The following LRP1B variants were observed in gnomAD, a reference collection of about 807,000 sequenced individuals.
LRP1B encodes LDL receptor related protein 1B.
Under a neutral mutation model 556.6 loss-of-function variants are expected in LRP1B, and 217 were observed. The observed-to-expected ratio is 0.39, with a 90% CI of 0.35 to 0.44. LRP1B has a LOEUF of 0.44. Among genes scored for constraint, LRP1B ranks in the 20% least tolerant of loss-of-function variants. The probability of loss-of-function intolerance (pLI) is 1.00; values close to 1 mark genes in which losing one functional copy is unlikely to be tolerated. For missense variants in LRP1B, 5,053 were observed against 5,620.8 expected (o/e 0.90, Z 3.23); for synonymous variants, 2,047 against 1,865.8 (o/e 1.10, Z -2.50).
chr2:141,129,005 G>A (rs1701285462), intron 7 of LRP1B, among the ~76,000 whole-genome samples: 1 of 152,008 alleles, frequency 6.6e-6, no homozygotes, highest in East Asian at 1.9e-4. Context: ...TGAAATAAAC[G>A]ATTTGGTAAG....
At chr2:140,351,327 A>C (rs1256838786) in intron 76 of LRP1B, among the ~76,000 whole-genome samples, 1 of 151,992 alleles carries the variant, frequency 6.6e-6, no homozygotes, top group Non-Finnish European at 1.5e-5. Context: ...TTATTATTTG[A>C]TAAGTCACAA....
chr2:141,939,465 G>A (rs1700730114), intron 1 of LRP1B, among the ~76,000 whole-genome samples: 1 of 152,186 alleles, frequency 6.6e-6, no homozygotes, highest in Non-Finnish European at 1.5e-5. Flanking sequence ...ACTCCATGGT[G>A]TGTAAGAGCT....
At chr2:141,044,219 G>A (rs1351534400) in intron 11 of LRP1B, among the ~76,000 whole-genome samples, 1 of 151,496 alleles carries the variant, frequency 6.6e-6, no homozygotes, top group East Asian at 1.9e-4. Flanking sequence ...CTAGCCGTAT[G>A]TAGAAAGCTG....
intron 31 of LRP1B, among the ~76,000 whole-genome samples, chr2:140,835,654 C>A (rs564611562): frequency 6.6e-6 from 1 of 152,166 alleles, no homozygotes; most frequent in Non-Finnish European, 1.5e-5. Context: ...TCTCCTGCCT[C>A]AGCCTCCCAA....
chr2:141,014,250 T>C (rs1430506428), intron 13 of LRP1B, among the ~76,000 whole-genome samples: 1 of 152,038 alleles, frequency 6.6e-6, no homozygotes, highest in African/African-American at 2.4e-5. Context: ...ATTGAAGAAA[T>C]CTTGGATCTG....
At chr2:140,500,658 A>G (rs1406985710) in intron 55 of LRP1B, among the ~76,000 whole-genome samples, 1 of 151,974 alleles carries the variant, frequency 6.6e-6, no homozygotes, top group African/African-American at 2.4e-5. Flanking sequence ...AATCCTTCAT[A>G]TACAGTATGT....
At chr2:141,080,388 G>A (rs1699894741) in intron 7 of LRP1B, among the ~76,000 whole-genome samples, 1 of 152,054 alleles carries the variant, frequency 6.6e-6, no homozygotes, top group Non-Finnish European at 1.5e-5. Flanking sequence ...CATCCTCATA[G>A]TTTTGGTTCC....
intron 7 of LRP1B, among the ~76,000 whole-genome samples, chr2:141,115,672 C>T (rs1044723137): frequency 1.3e-5 from 2 of 148,670 alleles, no homozygotes; most frequent in African/African-American, 2.5e-5. Context: ...TTAGTAGAGA[C>T]GGGTTTTTGC....
chr2:141,337,954 T>C (rs1191832887), intron 3 of LRP1B, among the ~76,000 whole-genome samples: 1 of 152,176 alleles, frequency 6.6e-6, no homozygotes, highest in African/African-American at 2.4e-5. Flanking sequence ...ATTTTCCGAA[T>C]GATGTTATGA....
chr2:141,183,295 C>T (rs150089603), intron 7 of LRP1B, among the ~76,000 whole-genome samples: 9 of 152,114 alleles, frequency 5.9e-5, no homozygotes, highest in South Asian at 4.1e-4. Flanking sequence ...AAACCTTTTA[C>T]GTGTGTAGGC....
intron 1 of LRP1B, among the ~76,000 whole-genome samples, chr2:142,129,593 TCTC>T: frequency 6.1e-5 from 1 of 16,462 alleles, no homozygotes; most frequent in Non-Finnish European, 1.2e-4. Flanking sequence ...TTTCTCTCTC[TCTC>T]TCTCTCTCTC....
chr2:140,840,261 T>G (rs190220048), intron 30 of LRP1B, among the ~76,000 whole-genome samples, 176 bp from the exon 31 acceptor site: 17 of 152,328 alleles, frequency 1.1e-4, no homozygotes, highest in Non-Finnish European at 2.2e-4. Context: ...CATATTTGCC[T>G]GAAAAGAAAG....
chr2:140,601,359 A>G (rs1682664972), intron 42 of LRP1B, 91 bp downstream of exon 42: 1 of 1,104,640 alleles, frequency 9.1e-7, no homozygotes, highest in East Asian at 2.9e-5. Context: ...TAAAAACTTT[A>G]TTTTTAAAGT....
At chr2:140,477,560 T>C (rs1688024832) in intron 59 of LRP1B, among the ~76,000 whole-genome samples, 1 of 152,108 alleles carries the variant, frequency 6.6e-6, no homozygotes, top group Non-Finnish European at 1.5e-5. Context: ...ATGTGATCAA[T>C]GCTATCAATA....
intron 32 of LRP1B, among the ~76,000 whole-genome samples, chr2:140,786,063 A>AATGCAAATGTGAGC (rs1689887157): frequency 6.6e-6 from 1 of 152,152 alleles, no homozygotes; most frequent in African/African-American, 2.4e-5. Flanking sequence ...ATCATTCTAA[A>AATGCAAATGTGAGC]ATGCAAATGT....
At chr2:140,649,899 C>T (rs2105317759) in intron 41 of LRP1B, among the ~76,000 whole-genome samples, 1 of 152,256 alleles carries the variant, frequency 6.6e-6, no homozygotes, top group Non-Finnish European at 1.5e-5. Context: ...CTAATGTATC[C>T]ATACTATATT....
chr2:141,170,939 C>T (rs181421366), intron 7 of LRP1B, among the ~76,000 whole-genome samples: 1 of 152,216 alleles, frequency 6.6e-6, no homozygotes, highest in African/African-American at 2.4e-5. Context: ...CATCTGTTTC[C>T]TGATTGATCC....
chr2:140,440,702 C>T (rs1243056712), intron 66 of LRP1B, among the ~76,000 whole-genome samples: 5 of 149,232 alleles, frequency 3.4e-5, no homozygotes, highest in Non-Finnish European at 7.4e-5. Flanking sequence ...TTGTGTAACT[C>T]AAATCAGATG....
intron 41 of LRP1B, among the ~76,000 whole-genome samples, chr2:140,672,008 T>C (rs1685502142): frequency 6.6e-6 from 1 of 152,192 alleles, no homozygotes; most frequent in South Asian, 2.1e-4. Flanking sequence ...AAGTCTGTAA[T>C]TTCATCATCT....
Sources: gnomAD v4.1 joint callset for allele counts (sites outside exome capture counted in the v4.1 genomes callset) on GRCh38, gnomAD v4.1.1 for gene constraint, MANE v1.5 for transcripts, NCBI Gene and HGNC (gene_info 2026-07-23, HGNC 2026-07-21) for gene names.